PASD1: variants seen among roughly 807,000 people sequenced by gnomAD.
PASD1 encodes the protein circadian clock protein PASD1.
A neutral mutation model predicts 58.8 loss-of-function variants in PASD1; 13 were observed. The observed-to-expected ratio is 0.22, with a 90% CI of 0.14 to 0.35. The LOEUF (loss-of-function observed/expected upper bound fraction) is 0.35, where lower values mean the gene tolerates loss of function less well. Ranked by LOEUF, PASD1 falls within the 10% of genes least tolerant of loss-of-function variation. PASD1 has a pLI of 1.00. For missense variants in PASD1, 734 were observed against 568.3 expected, an observed-to-expected ratio of 1.29 and a Z score of -2.96; for synonymous variants, 236 against 216.7, an observed-to-expected ratio of 1.09 and a Z score of -0.78.
At position 151,603,329 on chromosome X, in the gene PASD1, A is replaced by T. The variant is rs1307975157; in HGVS notation, c.29-1317A>T. Among the ~76,000 whole-genome samples, 5 of 112,589 alleles carry T rather than the reference A, an allele frequency of 4.4e-5. No homozygotes were observed. In the East Asian group the frequency reaches 1.4e-3, roughly 31 times the overall value. ...TACTATGTTAGACGTTGGGGATATG[A>T]TGAAGAACTGGATATGATGCACACC... On this transcript the variant is annotated intron_variant, in intron 2 of 15. Coordinates refer to ENST00000370357, the MANE Select transcript of PASD1 (RefSeq NM_173493.3).
intron 11 of PASD1, among the ~76,000 whole-genome samples, chrX:151,669,327 A>G (rs1271444575): frequency 9.1e-6 from 1 of 109,728 alleles, no homozygotes; most frequent in Admixed American, 9.9e-5. Flanking sequence ...ATTTGGATAC[A>G]TATACACAAT....
intron 1 of PASD1, among the ~76,000 whole-genome samples, chrX:151,572,270 A>G (rs984490554): frequency 6.3e-5 from 7 of 111,475 alleles, no homozygotes; most frequent in African/African-American, 2.3e-4. Context: ...CCCCCACAAC[A>G]ACAACAATAA....
At chrX:151,652,098 G>A (rs1427285712) in intron 9 of PASD1, among the ~76,000 whole-genome samples, 1 of 112,247 alleles carries the variant, frequency 8.9e-6, no homozygotes, top group East Asian at 2.8e-4. Flanking sequence ...CCAGATACCA[G>A]ACACTGTTTT....
At chrX:151,669,030 C>T (rs2014426974) in intron 11 of PASD1, among the ~76,000 whole-genome samples, 1 of 108,652 alleles carries the variant, frequency 9.2e-6, no homozygotes, top group Admixed American at 9.9e-5. Context: ...ATGCAAGCCA[C>T]CACACCCAGC....
chrX:151,621,115 T>TA, intron 5 of PASD1, 86 bp downstream of exon 5: 2 of 546,632 alleles, frequency 3.7e-6, no homozygotes, highest in Non-Finnish European at 5.9e-6. Context: ...AAAAAGATAT[T>TA]AGAGCACATA....
rs183791815 is a variant in PASD1, at chrX:151,653,779, T to C, written c.717+5077T>C. Among the ~76,000 whole-genome samples the C allele has an allele frequency of 9.3e-3, 92 of 9,923 alleles. 1 individual carries two copies. Among genetic ancestry groups the C allele is most frequent in the Non-Finnish European group, 0.018 (67 of 3,788 alleles). 8.6% of individuals were successfully genotyped at this position (9,923 alleles called of 115,157 possible). On this transcript the variant is annotated intron_variant, in intron 9 of 15. Coordinates refer to ENST00000370357, the MANE Select transcript of PASD1 (RefSeq NM_173493.3). ...CTTTCTTTCTTTCTTTCTTTCTTTC[T>C]TTCTTTCTTTCTTTCTTTCTTTCCT... is the stretch of plus-strand genomic sequence containing the variant.
At chrX:151,621,657 A>G in intron 6 of PASD1, 65 bp downstream of exon 6, 1 of 758,833 alleles carries the variant, frequency 1.3e-6, no homozygotes, top group East Asian at 3.5e-5. Flanking sequence ...CATTACTAAC[A>G]TAAATGCTCT....
At chrX:151,630,785 G>A (rs1195077768) in intron 8 of PASD1, among the ~76,000 whole-genome samples, 1 of 112,799 alleles carries the variant, frequency 8.9e-6, no homozygotes, top group Non-Finnish European at 1.9e-5. Flanking sequence ...GGAATTTGAA[G>A]TATTTAGAAG....
chrX:151,617,000 T>C (rs2013645354), intron 4 of PASD1, among the ~76,000 whole-genome samples: 1 of 111,723 alleles, frequency 9.0e-6, no homozygotes, highest in Non-Finnish European at 1.9e-5. Flanking sequence ...AGGTTCTCAG[T>C]AAATGTCATG....
At chrX:151,578,337 G>T (rs959905462) in intron 1 of PASD1, 7 of 112,343 alleles carry the variant, frequency 6.2e-5, no homozygotes, top group South Asian at 3.7e-4. Context: ...GAAAGTTGTT[G>T]TTACCTGTAT....
chrX:151,609,318 A>G (rs186158017), intron 3 of PASD1, among the ~76,000 whole-genome samples: 2 of 111,861 alleles, frequency 1.8e-5, no homozygotes, highest in Admixed American at 9.6e-5. Flanking sequence ...TAAAATGTAT[A>G]TAACACGAAT....
At chrX:151,670,185 G>A (rs780815789) in intron 11 of PASD1, among the ~76,000 whole-genome samples, 16 of 111,536 alleles carry the variant, frequency 1.4e-4, no homozygotes, top group East Asian at 2.8e-4. Flanking sequence ...TCCACGCTTC[G>A]TTTCTCCCAC....
At chrX:151,614,509 G>A (rs1025194038) in intron 4 of PASD1, among the ~76,000 whole-genome samples, 1 of 112,155 alleles carries the variant, frequency 8.9e-6, no homozygotes, top group Non-Finnish European at 1.9e-5. Context: ...CAAACTGTCT[G>A]CCATTGGCAT....
chrX:151,652,729 C>A (rs1182501848), intron 9 of PASD1, among the ~76,000 whole-genome samples: 2 of 110,533 alleles, frequency 1.8e-5, no homozygotes, highest in African/African-American at 6.6e-5. Context: ...CATCTATGGT[C>A]GGGGGAGACT....
Position 151,666,090 on chromosome X carries a change from A to T in PASD1, c.1071+1742A>T, listed in dbSNP as rs180912775. Among the ~76,000 whole-genome samples, 580 of 110,229 alleles carry T rather than the reference A, an allele frequency of 5.3e-3. 3 individuals carry two copies. Among genetic ancestry groups the T allele is most frequent in the African/African-American group, 0.018 (550 of 30,344 alleles). On this transcript the variant is annotated intron_variant, in intron 11 of 15. Transcript: ENST00000370357. ...TCTCTCTCAACTCATCTATGTACTT[A>T]CATTACTCATAAAGGGTATTGATGA...
At position 151,664,109 on chromosome X, in the gene PASD1, T is replaced by G; in HGVS notation, c.842-10T>G. 1 of 1,211,761 alleles carries G rather than the reference T, an allele frequency of 8.3e-7. No individual in the cohort carries two copies. Among genetic ancestry groups the G allele is most frequent in the South Asian group, 1.8e-5 (1 of 56,970 alleles). On this transcript the variant is annotated splice_polypyrimidine_tract_variant and intron_variant, in intron 10 of 15. Transcript: ENST00000370357. Reference sequence around the variant, plus strand: ...TTAAGTCATGAACTCCCCTGTGCTTTCTTCCTCAGCCTTATCCTTGCAAGA... The same window carrying G: ...TTAAGTCATGAACTCCCCTGTGCTTGCTTCCTCAGCCTTATCCTTGCAAGA...
chrX:151,613,803 G>T (rs2013600361), intron 4 of PASD1, among the ~76,000 whole-genome samples: 1 of 111,364 alleles, frequency 9.0e-6, no homozygotes, highest in Non-Finnish European at 1.9e-5. Flanking sequence ...CATTTCCATT[G>T]GTTTCAGAGT....
At chrX:151,599,585 C>T (rs766809643) in intron 1 of PASD1, among the ~76,000 whole-genome samples, 29 of 108,011 alleles carry the variant, frequency 2.7e-4, no homozygotes, top group Admixed American at 5.8e-4. Context: ...ACCTCCCAGA[C>T]GGGGTGGCGG....
intron 4 of PASD1, among the ~76,000 whole-genome samples, chrX:151,615,317 C>G (rs2013624426): frequency 9.0e-6 from 1 of 111,249 alleles, no homozygotes; most frequent in African/African-American, 3.3e-5. Context: ...CACACGCCCC[C>G]CAAAACCACA....
Sources: allele counts gnomAD v4.1 joint callset (sites outside exome capture counted in the v4.1 genomes callset), GRCh38; gene constraint gnomAD v4.1.1; transcripts MANE v1.5; gene names NCBI Gene and HGNC (gene_info 2026-07-23, HGNC 2026-07-21).